TM9SF4: variants seen among roughly 807,000 people sequenced by gnomAD.
The protein encoded by TM9SF4 is dinucleotide oxidase disulfide thiol exchanger 3 superfamily member 4.
A neutral mutation model predicts 90.4 loss-of-function variants in TM9SF4; 26 were observed. The ratio of observed to expected loss-of-function variants is 0.29; its 90% CI spans 0.21 to 0.40. The LOEUF (loss-of-function observed/expected upper bound fraction) is 0.40. Ranked by LOEUF, TM9SF4 falls within the 10% of genes least tolerant of loss-of-function variation. TM9SF4 has a pLI of 1.00. For synonymous variants in TM9SF4, 293 were observed against 315.4 expected (o/e 0.93, Z 0.75); for missense variants, 549 against 834.8 (o/e 0.66, Z 4.22).
At chr20:32,164,686 G>C (rs1376737636) in intron 17 of TM9SF4, among the ~76,000 whole-genome samples, 1 of 152,122 alleles carries the variant, frequency 6.6e-6, no homozygotes, top group Non-Finnish European at 1.5e-5. Context: ...GTGAGTCCTG[G>C]GACAGGCCCT....
intron 1 of TM9SF4, among the ~76,000 whole-genome samples, chr20:32,129,878 C>T (rs971258316): frequency 3.9e-5 from 6 of 152,140 alleles, no homozygotes; most frequent in Non-Finnish European, 5.9e-5. Context: ...TGAGCTACTG[C>T]GCCTGGCCAG....
intron 1 of TM9SF4, among the ~76,000 whole-genome samples, chr20:32,121,853 C>T (rs1317847651): frequency 1.1e-4 from 16 of 149,026 alleles, no homozygotes; most frequent in Non-Finnish European, 1.9e-4. Flanking sequence ...ACCTCCCTCC[C>T]GGACGGGGCG....
rs1040157052 is a variant in TM9SF4 at position 32,121,296 on chromosome 20, C to T, written c.15+11541C>T. Among the ~76,000 whole-genome samples, 3 of 150,372 alleles carry T rather than the reference C, an allele frequency of 2.0e-5. No individual in the cohort carries two copies. The Admixed American group carries it at 2.0e-4, about 10-fold the overall frequency. The stretch of plus-strand genomic sequence containing the variant: ...AGGACAATAGTGGAGGGAAGGTCAG[C>T]AGATAAACAAGTGAACAAAGGTCTC... On this transcript the variant is annotated intron_variant, in intron 1 of 17. Coordinates refer to ENST00000398022, the MANE Select transcript of TM9SF4 (RefSeq NM_014742.4).
chr20:32,123,024 T>G (rs1269873429), intron 1 of TM9SF4, among the ~76,000 whole-genome samples: 1 of 149,902 alleles, frequency 6.7e-6, no homozygotes, highest in Admixed American at 6.6e-5. Context: ...CGAAAACCAG[T>G]CAGGCGTGGC....
At position 32,145,063 on chromosome 20, in the gene TM9SF4, G is replaced by A. The variant is rs200256547; in HGVS notation, c.653-28G>A. ...TGGGCAGTGGCACTGGCCACCACAG[G>A]AACAGACTGAGTCTGTGTCTCTCTC... On this transcript the variant is annotated intron_variant, in intron 6 of 17. Coordinates refer to ENST00000398022, the MANE Select transcript of TM9SF4 (RefSeq NM_014742.4). 1.9e-3 allele frequency: 3,094 copies of A among 1,605,840 alleles called. 12 individuals are homozygous for A. The highest frequency in any genetic ancestry group is 5.0e-3 in the Middle Eastern group (30 of 6,056).
Position 32,141,518 on chromosome 20 carries a change from G to A in TM9SF4, c.251G>A (p.Arg84Gln), listed in dbSNP as rs759578752. The change falls in exon 4 of 18, where the codon CGG becomes CAG. Residue 84 changes from arginine (R) to glutamine (Q), a missense_variant. Around this residue, in one of 2 missense-constraint regions of TM9SF4, gnomAD observed 495 missense variants for 711.7 expected, o/e 0.70. Coordinates refer to ENST00000398022, the MANE Select transcript of TM9SF4 (RefSeq NM_014742.4). ...GCAGGAGAGGTGCTGAGAGGGGACC[G>A]GATTGTCAACACCCCTTTCCAGGTT... ...ENLGEVLRGDRIVNTPFQVLM... is the reference protein window; with the variant it reads ...ENLGEVLRGDQIVNTPFQVLM... 3.1e-6 allele frequency: 5 copies of A among 1,614,070 alleles called. No individual in the cohort carries two copies. The highest frequency in any genetic ancestry group is 1.1e-5 in the South Asian group (1 of 91,072).
At chr20:32,144,050 A>G (rs2046723138) in intron 6 of TM9SF4, among the ~76,000 whole-genome samples, 3 of 151,932 alleles carry the variant, frequency 2.0e-5, no homozygotes, top group Non-Finnish European at 2.9e-5. Context: ...GGTTCAAGCA[A>G]TTCTCCTGCC....
chr20:32,128,972 A>G (rs2046469081), intron 1 of TM9SF4, among the ~76,000 whole-genome samples: 1 of 152,150 alleles, frequency 6.6e-6, no homozygotes, highest in South Asian at 2.1e-4. Context: ...AGTGTTCAGA[A>G]CAGTGATGTT....
At chr20:32,127,595 G>A (rs765512336) in intron 1 of TM9SF4, among the ~76,000 whole-genome samples, 2 of 152,006 alleles carry the variant, frequency 1.3e-5, no homozygotes, top group Non-Finnish European at 2.9e-5. Context: ...GTTGTTTTTT[G>A]GTGTTGTTTT....
At chr20:32,127,340 G>A (rs929455012) in intron 1 of TM9SF4, among the ~76,000 whole-genome samples, 1 of 152,134 alleles carries the variant, frequency 6.6e-6, no homozygotes, top group Non-Finnish European at 1.5e-5. Flanking sequence ...CTTGAAAAGA[G>A]CATCCTTGTT....
chr20:32,141,455 CAG>C, intron 3 of TM9SF4, 40 bp from the exon 4 acceptor site: 3 of 1,607,068 alleles, frequency 1.9e-6, no homozygotes, highest in Non-Finnish European at 2.6e-6. Context: ...TCAGCAACCT[CAG>C]GGCTGAAGCT....
intron 1 of TM9SF4, among the ~76,000 whole-genome samples, chr20:32,125,647 T>C (rs2046408191): frequency 6.6e-6 from 1 of 152,018 alleles, no homozygotes; most frequent in Non-Finnish European, 1.5e-5. Context: ...CTCTTCACAT[T>C]TGACCAAGAA....
intron 3 of TM9SF4, among the ~76,000 whole-genome samples, chr20:32,141,238 AAAAG>A (rs1195332177): frequency 4.6e-5 from 7 of 151,114 alleles, no homozygotes; most frequent in Non-Finnish European, 7.4e-5. Flanking sequence ...AAAAAAAAAA[AAAAG>A]GATGTGATGC....
At chr20:32,156,813 C>T (rs2046928940) in intron 13 of TM9SF4, among the ~76,000 whole-genome samples, 1 of 152,064 alleles carries the variant, frequency 6.6e-6, no homozygotes, top group Non-Finnish European at 1.5e-5. Flanking sequence ...CACTGTGTTG[C>T]CTAGGCTGGT....
At chr20:32,126,245 A>G (rs2046421057) in intron 1 of TM9SF4, among the ~76,000 whole-genome samples, 1 of 152,134 alleles carries the variant, frequency 6.6e-6, no homozygotes, top group Admixed American at 6.5e-5. Context: ...AAGTGTCGTC[A>G]TTACCTAGGA....
intron 6 of TM9SF4, among the ~76,000 whole-genome samples, chr20:32,143,965 A>G (rs537434423): frequency 6.6e-6 from 1 of 151,894 alleles, no homozygotes; most frequent in South Asian, 2.1e-4. Context: ...TTTCCCCCCA[A>G]GACAGAGTCT....
At chr20:32,134,425 A>T (rs1241081163) in intron 2 of TM9SF4, among the ~76,000 whole-genome samples, 1 of 152,200 alleles carries the variant, frequency 6.6e-6, no homozygotes, top group Non-Finnish European at 1.5e-5. Flanking sequence ...TGTTTAATAG[A>T]GGTCCTTAAT....
chr20:32,113,919 A>T (rs1444536025), intron 1 of TM9SF4, among the ~76,000 whole-genome samples: 1 of 152,174 alleles, frequency 6.6e-6, no homozygotes, highest in Non-Finnish European at 1.5e-5. Flanking sequence ...ATAATATGTG[A>T]TCTTTTGTGT....
intron 2 of TM9SF4, among the ~76,000 whole-genome samples, chr20:32,134,424 G>A (rs1376475242): frequency 6.6e-6 from 1 of 152,166 alleles, no homozygotes; most frequent in East Asian, 1.9e-4. Context: ...ATGTTTAATA[G>A]AGGTCCTTAA....
Sources: gnomAD v4.1 joint callset for allele counts (sites outside exome capture counted in the v4.1 genomes callset) on GRCh38, gnomAD v4.1.1 for gene constraint, gnomAD v4.1.1 regional missense constraint, MANE v1.5 for transcripts, NCBI Gene and HGNC (gene_info 2026-07-23, HGNC 2026-07-21) for gene names.